The following KCTD3 variants were observed in gnomAD, a reference collection of about 807,000 sequenced individuals.
KCTD3 encodes the protein BTB/POZ domain-containing protein KCTD3.
Under a neutral mutation model 85.8 loss-of-function variants are expected in KCTD3, and 41 were observed. The ratio of observed to expected loss-of-function variants is 0.48; its 90% CI spans 0.37 to 0.62. KCTD3 has a LOEUF of 0.62. Among genes scored for constraint, KCTD3 ranks in the 20% least tolerant of loss-of-function variants. KCTD3 has a pLI of 0.00. For missense variants in KCTD3, 724 were observed against 989.9 expected (o/e 0.73, Z 3.60); for synonymous variants, 338 against 345.4 (o/e 0.98, Z 0.24).
At chr1:215,578,116 C>A in intron 6 of KCTD3, 35 bp downstream of exon 6, 1 of 1,576,316 alleles carries the variant, frequency 6.3e-7, no homozygotes, top group Non-Finnish European at 8.7e-7. Context: ...TAAAAAATTC[C>A]TTGTATCATT....
chr1:215,620,059 T>C lies in KCTD3; in HGVS notation c.1889T>C (p.Leu630Pro), dbSNP rs748575571. 1.9e-6 allele frequency: 3 copies of C among 1,566,922 alleles called. No individual in the cohort carries two copies. The highest frequency in any genetic ancestry group is 1.7e-6 in the Non-Finnish European group (2 of 1,162,368). Residue 630 changes from leucine (L) to proline (P), a missense_variant and splice_region_variant, in exon 18 of 18, where the codon CTT becomes CCT. Transcript: ENST00000259154. ...CATTTTTAAAAACTGTATTTCAGCC[T>C]TCAGCTTCAGCACCATGATACCACC... ...HSHLRESNSS[L>P]QLQHHDTTHE...
chr1:215,571,146 T>C (rs1659341418), intron 1 of KCTD3, among the ~76,000 whole-genome samples: 1 of 152,170 alleles, frequency 6.6e-6, no homozygotes, highest in Non-Finnish European at 1.5e-5. Flanking sequence ...GGTGAATAAG[T>C]GGTGAATATA....
intron 10 of KCTD3, among the ~76,000 whole-genome samples, chr1:215,599,514 A>C (rs879768009): frequency 2.6e-5 from 4 of 152,190 alleles, no homozygotes; most frequent in Non-Finnish European, 5.9e-5. Flanking sequence ...GTGCTACCTT[A>C]TAAGAGAAAA....
chr1:215,577,356 C>A (rs1425344179), intron 4 of KCTD3, among the ~76,000 whole-genome samples: 1 of 152,014 alleles, frequency 6.6e-6, no homozygotes, highest in Non-Finnish European at 1.5e-5. Flanking sequence ...GGTTTCCATT[C>A]TATCGTTTGC....
Position 215,611,805 on chromosome 1 carries a change from A to T in KCTD3, c.1466-20A>T. On this transcript the variant is annotated intron_variant, in intron 14 of 17. Coordinates refer to ENST00000259154, the MANE Select transcript of KCTD3 (RefSeq NM_016121.5). The stretch of plus-strand genomic sequence containing the variant: ...ATAAAATTTTAATTAATTTTTTGAC[A>T]TTTTTGTTTTCTGATCAAGGACCTT... The T allele has an allele frequency of 1.3e-6, 2 of 1,511,930 alleles. No homozygotes were observed. Among genetic ancestry groups the T allele is most frequent in the Middle Eastern group, 1.7e-4 (1 of 5,790 alleles). 93.7% of individuals were successfully genotyped at this position (1,511,930 alleles called of 1,614,324 possible).
chr1:215,606,929 A>G (rs1655046098), intron 13 of KCTD3, among the ~76,000 whole-genome samples: 1 of 151,982 alleles, frequency 6.6e-6, no homozygotes, highest in Admixed American at 6.6e-5. Context: ...TCTGAATCCT[A>G]GTAAGCTTAG....
intron 17 of KCTD3, 29 bp downstream of exon 17, chr1:215,619,320 A>G: frequency 6.4e-7 from 1 of 1,572,148 alleles, no homozygotes; most frequent in Non-Finnish European, 8.7e-7. Flanking sequence ...TATTATAAAC[A>G]AAATTTATTT....
At chr1:215,592,684 G>A (rs930741642) in intron 9 of KCTD3, among the ~76,000 whole-genome samples, 5 of 152,116 alleles carry the variant, frequency 3.3e-5, no homozygotes, top group Admixed American at 3.3e-4. Flanking sequence ...CCTGTAAAAG[G>A]AGCCATTTGT....
intron 8 of KCTD3, among the ~76,000 whole-genome samples, chr1:215,585,472 C>T: frequency 6.6e-6 from 1 of 152,086 alleles, no homozygotes; most frequent in East Asian, 1.9e-4. Flanking sequence ...CCTTAGGTGA[C>T]CATCATTTAT....
intron 14 of KCTD3, among the ~76,000 whole-genome samples, chr1:215,608,992 G>A (rs557164651): frequency 6.6e-6 from 1 of 151,912 alleles, no homozygotes; most frequent in Non-Finnish European, 1.5e-5. Context: ...ATTTTAAAAA[G>A]TGCGGTGAAC....
intron 13 of KCTD3, among the ~76,000 whole-genome samples, chr1:215,606,941 A>G (rs1655046429): frequency 6.6e-6 from 1 of 152,010 alleles, no homozygotes; most frequent in African/African-American, 2.4e-5. Context: ...TAAGCTTAGT[A>G]GTGAAATCAG....
At chr1:215,576,966 G>A (rs1363246377) in intron 4 of KCTD3, among the ~76,000 whole-genome samples, 1 of 152,098 alleles carries the variant, frequency 6.6e-6, no homozygotes, top group Non-Finnish European at 1.5e-5. Flanking sequence ...CAAGGCTGGG[G>A]AATATTTTTA....
chr1:215,573,501 A>G (rs1659449254), intron 1 of KCTD3, among the ~76,000 whole-genome samples: 2 of 152,158 alleles, frequency 1.3e-5, no homozygotes, highest in Admixed American at 1.3e-4. Context: ...TGATGGGCTA[A>G]TTGTTGATTC....
At position 215,567,780 on chromosome 1, in the gene KCTD3, G is replaced by A. The variant is rs201239948; in HGVS notation, c.83+12G>A. ...GTAGGGGGGACCAGGTGAGTCGGCG[G>A]GTAGCGGGCTTGCAGCGGGGATGCC... On this transcript the variant is annotated intron_variant, in intron 1 of 17. Coordinates refer to ENST00000259154, the MANE Select transcript of KCTD3 (RefSeq NM_016121.5). 5.3e-4 allele frequency: 657 copies of A among 1,241,436 alleles called. 1 individual carries two copies. Among genetic ancestry groups the A allele is most frequent in the Admixed American group, 9.3e-4 (22 of 23,720 alleles). The allele number at this position is 1,241,436 out of a possible 1,614,324, so 76.9% of individuals were successfully genotyped here.
chr1:215,599,179 A>G (rs1654727013), intron 10 of KCTD3, among the ~76,000 whole-genome samples: 1 of 152,182 alleles, frequency 6.6e-6, no homozygotes, highest in East Asian at 1.9e-4. Context: ...AACCTGAATG[A>G]GAAGGGTTTT....
chr1:215,587,316 GA>G (rs1660047850), intron 9 of KCTD3, among the ~76,000 whole-genome samples: 1 of 151,830 alleles, frequency 6.6e-6, no homozygotes, highest in African/African-American at 2.4e-5. Context: ...GTTTTTAATA[GA>G]GATGGGTTTC....
Position 215,620,712 on chromosome 1 carries a change from C to T in KCTD3, c.*94C>T, listed in dbSNP as rs887609808. 1 of 840,116 alleles carries T rather than the reference C, an allele frequency of 1.2e-6. No individual in the cohort carries two copies. Among genetic ancestry groups the T allele is most frequent in the Admixed American group, 3.2e-5 (1 of 31,744 alleles). 52.0% of individuals were successfully genotyped at this position (840,116 alleles called of 1,614,324 possible). A position where few individuals can be genotyped will look rare whatever the true frequency, so the allele number is the denominator to read the frequency against. ...CATTAGTTTTTACACTAAAACTTTACAAGATAAAATTGGACTTCATTTAGT... is the reference window on the plus strand; with the variant it reads ...CATTAGTTTTTACACTAAAACTTTATAAGATAAAATTGGACTTCATTTAGT... On this transcript the variant is annotated 3_prime_UTR_variant, in exon 18 of 18. Coordinates refer to ENST00000259154, the MANE Select transcript of KCTD3 (RefSeq NM_016121.5).
intron 13 of KCTD3, among the ~76,000 whole-genome samples, chr1:215,605,919 C>T (rs1379829162): frequency 6.6e-6 from 1 of 152,158 alleles, no homozygotes; most frequent in Non-Finnish European, 1.5e-5. Flanking sequence ...CAACTTTTCC[C>T]TCTCTATGGT....
rs370509594 is a variant in KCTD3 at position 215,579,927 on chromosome 1, G to T, written c.554G>T (p.Arg185Leu). The T allele has an allele frequency of 6.2e-7, 1 of 1,612,950 alleles. No individual in the cohort carries two copies. The highest frequency in any genetic ancestry group is 1.3e-5 in the African/African-American group (1 of 74,892). ...TCAACAGGATTTCCTGTGGATCCAC[G>T]AAAGGTGCTAATAGTAGCTGGCCAT... ...TVRLGFPVDP[R>L]KVLIVAGHHN... The change falls in exon 8 of 18, where the codon CGA becomes CTA. Residue 185 changes from arginine to leucine, a missense_variant. Transcript: ENST00000259154.
Sources: gnomAD v4.1 joint callset for allele counts (sites outside exome capture counted in the v4.1 genomes callset) on GRCh38, gnomAD v4.1.1 for gene constraint, MANE v1.5 for transcripts, NCBI Gene and HGNC (gene_info 2026-07-23, HGNC 2026-07-21) for gene names.